The following KCNMB2 variants were observed in gnomAD, a reference collection of about 807,000 sequenced individuals.
KCNMB2 encodes the protein potassium calcium-activated channel subfamily M regulatory beta subunit 2.
In KCNMB2, 9 loss-of-function variants were observed where a neutral mutation model predicts 24.5. The ratio of observed to expected loss-of-function variants is 0.37; its 90% CI spans 0.22 to 0.64. The LOEUF (loss-of-function observed/expected upper bound fraction) is 0.64. Ranked by LOEUF, KCNMB2 falls within the 30% of genes least tolerant of loss-of-function variation. KCNMB2 has a pLI of 0.63. For missense variants in KCNMB2, 226 were observed against 284.3 expected (o/e 0.79, Z 1.47); for synonymous variants, 109 against 104.4 (o/e 1.04, Z -0.27).
chr3:178,720,805 T>G (rs1189408707), intron 1 of KCNMB2, among the ~76,000 whole-genome samples: 1 of 149,130 alleles, frequency 6.7e-6, no homozygotes, highest in Non-Finnish European at 1.5e-5. Flanking sequence ...GTTCATATCC[T>G]TTGCCCACTT....
chr3:178,758,039 T>C (rs1724230437), intron 1 of KCNMB2, among the ~76,000 whole-genome samples: 5 of 1,586 alleles, frequency 3.2e-3, no homozygotes, highest in South Asian at 0.083. Flanking sequence ...TATATATATA[T>C]ATCTAGATAT....
chr3:178,540,071 T>C (rs1341530603), intron 1 of KCNMB2, among the ~76,000 whole-genome samples: 1 of 152,204 alleles, frequency 6.6e-6, no homozygotes, highest in Non-Finnish European at 1.5e-5. Context: ...TCACACAGGA[T>C]ATGTTCAAAA....
intron 3 of KCNMB2, 143 bp downstream of exon 3, chr3:178,825,901 T>C (rs1290976015): frequency 3.4e-5 from 20 of 585,170 alleles, no homozygotes; most frequent in Non-Finnish European, 3.9e-5. Context: ...TACTTTTCAA[T>C]AATGTTATCT....
At chr3:178,805,643 T>C (rs1009395375) in intron 1 of KCNMB2, among the ~76,000 whole-genome samples, 21 of 151,724 alleles carry the variant, frequency 1.4e-4, no homozygotes, top group African/African-American at 4.4e-4. Context: ...TTTTTTTTTT[T>C]AAACAGGGGG....
chr3:178,555,462 C>T (rs1716091903), intron 1 of KCNMB2, among the ~76,000 whole-genome samples: 1 of 152,128 alleles, frequency 6.6e-6, no homozygotes, highest in Admixed American at 6.5e-5. Context: ...AAAATGGGTG[C>T]TCATAATATT....
intron 1 of KCNMB2, among the ~76,000 whole-genome samples, chr3:178,739,747 G>C (rs1386598781): frequency 2.6e-5 from 4 of 152,160 alleles, no homozygotes; most frequent in Non-Finnish European, 5.9e-5. Flanking sequence ...GGGCAGGCAG[G>C]TAACATAAAG....
Position 178,843,348 on chromosome 3 carries a change from A to ATATT in KCNMB2, c.*413_*416dup, listed in dbSNP as rs1715497231. On this transcript the variant is annotated 3_prime_UTR_variant, in exon 5 of 5. Transcript: ENST00000452583. ...TTGTTTACTAAAGCTACAGCCAAAA[A>ATATT]TATTTTTTTTTCTTATTCTAAACTG... The ATATT allele has an allele frequency of 5.5e-6, 2 of 360,608 alleles. No individual in the cohort carries two copies. Among genetic ancestry groups the ATATT allele is most frequent in the Admixed American group, 7.7e-5 (2 of 26,110 alleles). 22.3% of individuals were successfully genotyped at this position (360,608 alleles called of 1,614,324 possible).
At chr3:178,767,549 C>T (rs948589676) in intron 1 of KCNMB2, among the ~76,000 whole-genome samples, 1 of 152,130 alleles carries the variant, frequency 6.6e-6, no homozygotes, top group African/African-American at 2.4e-5. Flanking sequence ...TTGTGGTTAG[C>T]GTTAGCAAGA....
At chr3:178,758,387 C>CATAT (rs1192586547) in intron 1 of KCNMB2, among the ~76,000 whole-genome samples, 2 of 3,230 alleles carry the variant, frequency 6.2e-4, no homozygotes, top group Non-Finnish European at 8.2e-4. Flanking sequence ...AGAGGGGATA[C>CATAT]ATATATATAT....
chr3:178,594,669 T>G (rs967284860), intron 1 of KCNMB2, among the ~76,000 whole-genome samples: 3 of 152,114 alleles, frequency 2.0e-5, no homozygotes, highest in Admixed American at 2.0e-4. Flanking sequence ...CTGGATGTTT[T>G]AGTCTGGAAT....
At chr3:178,811,006 C>T (rs994814140) in intron 2 of KCNMB2, among the ~76,000 whole-genome samples, 1 of 151,460 alleles carries the variant, frequency 6.6e-6, no homozygotes, top group Non-Finnish European at 1.5e-5. Flanking sequence ...CCCACCTCAG[C>T]CTCCCAAAGT....
chr3:178,537,596 C>T (rs946426244), intron 1 of KCNMB2, among the ~76,000 whole-genome samples: 3 of 152,034 alleles, frequency 2.0e-5, no homozygotes, highest in Non-Finnish European at 4.4e-5. Context: ...TATATGGGAT[C>T]GGTATAGCAC....
chr3:178,581,964 G>A (rs1482726788), intron 1 of KCNMB2, among the ~76,000 whole-genome samples: 1 of 152,160 alleles, frequency 6.6e-6, no homozygotes, highest in Non-Finnish European at 1.5e-5. Context: ...AGTTAGTCAA[G>A]GATCTAGAAC....
chr3:178,637,495 T>C (rs1719570857), intron 1 of KCNMB2, among the ~76,000 whole-genome samples: 1 of 152,192 alleles, frequency 6.6e-6, no homozygotes, highest in Admixed American at 6.5e-5. Flanking sequence ...GGTTCTTCAT[T>C]AGTATCTAAT....
chr3:178,757,991 AT>A (rs1212533980), intron 1 of KCNMB2, among the ~76,000 whole-genome samples: 1 of 2,954 alleles, frequency 3.4e-4, no homozygotes, highest in Non-Finnish European at 4.7e-4. Context: ...GAGGATATAT[AT>A]ATATATCTAG....
At chr3:178,554,537 C>CCTTT (rs1417598611) in intron 1 of KCNMB2, among the ~76,000 whole-genome samples, 1 of 152,106 alleles carries the variant, frequency 6.6e-6, no homozygotes, top group South Asian at 2.1e-4. Flanking sequence ...AATGTCAATT[C>CCTTT]CTTTCTTTCT....
At chr3:178,605,247 A>T (rs547886644) in intron 1 of KCNMB2, among the ~76,000 whole-genome samples, 51 of 152,288 alleles carry the variant, frequency 3.3e-4, no homozygotes, top group African/African-American at 1.1e-3. Flanking sequence ...CTTTCATCAC[A>T]TGAGGACACA....
Position 178,620,793 on chromosome 3 carries a change from T to G in KCNMB2, c.-68+84082T>G, listed in dbSNP as rs190321088. Among the ~76,000 whole-genome samples the G allele has an allele frequency of 2.0e-5, 3 of 152,312 alleles. No individual in the cohort carries two copies. In the East Asian group the frequency reaches 5.8e-4, roughly 29 times the overall value. On this transcript the variant is annotated intron_variant, in intron 1 of 4. Coordinates refer to ENST00000452583, the MANE Select transcript of KCNMB2 (RefSeq NM_181361.3). ...CTCCTGGCAATAAGATAACATTTGA[T>G]ACAAATGTGAAAGATAAACAGGACT...
At chr3:178,583,111 A>G (rs1417433263) in intron 1 of KCNMB2, among the ~76,000 whole-genome samples, 1 of 152,134 alleles carries the variant, frequency 6.6e-6, no homozygotes, top group Non-Finnish European at 1.5e-5. Flanking sequence ...TCTATGTCTT[A>G]GGACTTCAAG....
Sources: allele counts gnomAD v4.1 joint callset (sites outside exome capture counted in the v4.1 genomes callset), GRCh38; gene constraint gnomAD v4.1.1; transcripts MANE v1.5; gene names NCBI Gene and HGNC (gene_info 2026-07-23, HGNC 2026-07-21).